The following RGSL1 variants were observed in gnomAD, a reference collection of about 807,000 sequenced individuals.
The protein encoded by RGSL1 is regulator of G protein signaling protein-like.
RGSL1 carries 97 observed loss-of-function variants against 124.7 expected under a neutral mutation model. The observed-to-expected ratio is 0.78, with a 90% CI of 0.66 to 0.92. RGSL1 has a LOEUF of 0.92. Among genes scored for constraint, RGSL1 ranks in the 40% least tolerant of loss-of-function variants. The pLI is 0.00. For synonymous variants in RGSL1, 424 were observed against 438.1 expected (o/e 0.97, Z 0.40); for missense variants, 1,233 against 1,288.4 (o/e 0.96, Z 0.66).
At chr1:182,471,247 A>G in intron 4 of RGSL1, 1 of 457,406 alleles carries the variant, frequency 2.2e-6, no homozygotes, top group East Asian at 7.0e-5. Context: ...GGAAGAGTTC[A>G]TTCTCCCTCT....
intron 9 of RGSL1, among the ~76,000 whole-genome samples, chr1:182,518,732 T>C (rs1658095760): frequency 6.6e-6 from 1 of 152,170 alleles, no homozygotes; most frequent in South Asian, 2.1e-4. Flanking sequence ...GAGGGGTATC[T>C]CAGATGTGGA....
At chr1:182,534,137 T>C (rs972415636) in intron 14 of RGSL1, among the ~76,000 whole-genome samples, 3 of 152,242 alleles carry the variant, frequency 2.0e-5, no homozygotes, top group South Asian at 2.1e-4. Context: ...TGCAATTGTG[T>C]GTTTCTATGA....
At position 182,548,713 on chromosome 1, in the gene RGSL1, A is replaced by G. The variant is rs753400372; in HGVS notation, c.2822A>G (p.Glu941Gly). 6.4e-7 allele frequency: 1 copy of G among 1,551,608 alleles called. No individual in the cohort carries two copies. ...IPPKLRVNVPEFQKDAILAAI... is the reference protein window; with the variant it reads ...IPPKLRVNVPGFQKDAILAAI... Reference sequence around the variant, plus strand: ...CTCTGTGGGTAGGTGAATGTCCCTGAGTTCCAGAAGGATGCCATCCTTGCT... The same window carrying G: ...CTCTGTGGGTAGGTGAATGTCCCTGGGTTCCAGAAGGATGCCATCCTTGCT... The change falls in exon 17 of 22, where the codon GAG becomes GGG. Residue 941 changes from glutamate to glycine, a missense_variant. Transcript: ENST00000294854.
intron 9 of RGSL1, among the ~76,000 whole-genome samples, chr1:182,508,495 C>T (rs1458130915): frequency 7.3e-5 from 11 of 151,458 alleles, no homozygotes; most frequent in Admixed American, 2.0e-4. Context: ...GATGAGGTTT[C>T]GCCATGTTGG....
intron 14 of RGSL1, among the ~76,000 whole-genome samples, chr1:182,533,160 A>G (rs888193317): frequency 1.3e-5 from 2 of 152,230 alleles, no homozygotes; most frequent in African/African-American, 4.8e-5. Flanking sequence ...AATATATAGT[A>G]TAGAAGTGAA....
chr1:182,461,532 T>C (rs914811501), intron 4 of RGSL1, among the ~76,000 whole-genome samples: 4 of 151,636 alleles, frequency 2.6e-5, no homozygotes, highest in African/African-American at 4.9e-5. Context: ...TTGAGAGAGC[T>C]CTGATGGCAG....
intron 9 of RGSL1, among the ~76,000 whole-genome samples, chr1:182,513,924 C>T (rs1458519190): frequency 1.4e-5 from 2 of 142,528 alleles, no homozygotes; most frequent in Non-Finnish European, 3.0e-5. Flanking sequence ...GAGACAGTCT[C>T]GCTCTGTTGC....
chr1:182,533,307 T>G (rs1659315488), intron 14 of RGSL1, among the ~76,000 whole-genome samples: 1 of 151,904 alleles, frequency 6.6e-6, no homozygotes, highest in Non-Finnish European at 1.5e-5. Context: ...TTTTTTTTTT[T>G]TTTTTTGTTC....
chr1:182,469,081 T>C (rs956609652), intron 4 of RGSL1, among the ~76,000 whole-genome samples: 2 of 152,102 alleles, frequency 1.3e-5, no homozygotes, highest in Non-Finnish European at 2.9e-5. Flanking sequence ...AAAAAACTTA[T>C]GGAGGACAAA....
intron 7 of RGSL1, chr1:182,488,725 CAA>C (rs561296385): frequency 0.048 from 5,001 of 103,252 alleles, no homozygotes; most frequent in South Asian, 0.086. Context: ...GACTCCGTCT[CAA>C]AAAAAAAAAA....
At chr1:182,549,150 T>A (rs1361532590) in intron 17 of RGSL1, 2 of 219,582 alleles carry the variant, frequency 9.1e-6, no homozygotes, top group South Asian at 1.7e-4. Context: ...CCACAGCCCC[T>A]TGGGGAGAAA....
rs1460340711 is a variant in RGSL1 at position 182,526,588 on chromosome 1, C to G, written c.1932-991C>G. Among the ~76,000 whole-genome samples the G allele has an allele frequency of 2.0e-5, 3 of 152,058 alleles. No individual in the cohort carries two copies. The East Asian group carries it at 5.8e-4, about 29-fold the overall frequency. On this transcript the variant is annotated intron_variant, in intron 10 of 21. Coordinates refer to ENST00000294854, the MANE Select transcript of RGSL1 (RefSeq NM_001137669.2). ...ACTTGGGGGCTAAGCAGGGAGATCA[C>G]TTGAGCCTGGGAGGTCAAGGCTTCA...
chr1:182,527,555 C>A, intron 10 of RGSL1, 24 bp from the exon 11 acceptor site: 1 of 1,528,334 alleles, frequency 6.5e-7, no homozygotes, highest in South Asian at 1.2e-5. Context: ...TTCTCTCTAC[C>A]AAAGATGCTT....
At chr1:182,465,090 T>TAAA (rs1229661835) in intron 4 of RGSL1, among the ~76,000 whole-genome samples, 1 of 151,718 alleles carries the variant, frequency 6.6e-6, no homozygotes, top group Non-Finnish European at 1.5e-5. Context: ...ATAATAATAA[T>TAAA]AATAAAGTGA....
intron 15 of RGSL1, among the ~76,000 whole-genome samples, chr1:182,540,971 T>C (rs927217549): frequency 1.3e-5 from 2 of 152,340 alleles, no homozygotes; most frequent in South Asian, 4.1e-4. Context: ...TTTTAATTGA[T>C]ACATAATAGA....
intron 6 of RGSL1, among the ~76,000 whole-genome samples, chr1:182,486,971 G>A (rs1334190753): frequency 1.3e-5 from 2 of 152,150 alleles, no homozygotes; most frequent in African/African-American, 2.4e-5. Flanking sequence ...CACCATGCCC[G>A]GCCTAGTCAT....
intron 14 of RGSL1, among the ~76,000 whole-genome samples, chr1:182,539,470 C>T (rs1036991064): frequency 2.0e-5 from 3 of 152,160 alleles, no homozygotes; most frequent in Admixed American, 6.5e-5. Flanking sequence ...AACCCACCTA[C>T]ACCATAGGGA....
Position 182,454,013 on chromosome 1 carries a change from T to G in RGSL1, c.69T>G (p.Asp23Glu). The G allele has an allele frequency of 6.5e-7, 1 of 1,533,796 alleles. No individual in the cohort carries two copies. ...TGCTAGAGGATGAAGTCTTTGCCGATTTTTTCAACACATTTCTTTCCCTCC... is the reference window on the plus strand; with the variant it reads ...TGCTAGAGGATGAAGTCTTTGCCGAGTTTTTCAACACATTTCTTTCCCTCC... ...IILLEDEVFA[D>E]FFNTFLSLPV... The change falls in exon 2 of 22, where the codon GAT (aspartate) becomes GAG (glutamate). Residue 23 changes from aspartate to glutamate, a missense_variant. Physicochemically the swap from Asp to Glu is conservative, Grantham distance 45. Transcript: ENST00000294854.
intron 9 of RGSL1, among the ~76,000 whole-genome samples, chr1:182,515,575 G>A (rs1403459947): frequency 2.0e-5 from 2 of 102,032 alleles, no homozygotes; most frequent in African/African-American, 3.2e-5. Context: ...GGTGGAGGGC[G>A]TGGGGGAAGA....
Sources: gnomAD v4.1 joint callset for allele counts (sites outside exome capture counted in the v4.1 genomes callset) on GRCh38, gnomAD v4.1.1 for gene constraint, MANE v1.5 for transcripts, NCBI Gene and HGNC (gene_info 2026-07-23, HGNC 2026-07-21) for gene names.